KCNIP4: variants seen among roughly 807,000 people sequenced by gnomAD.
KCNIP4 encodes the protein potassium voltage-gated channel interacting protein 4, also known as Kv channel-interacting protein 4.
A neutral mutation model predicts 34.0 loss-of-function variants in KCNIP4; 12 were observed. The observed-to-expected ratio is 0.35, with a 90% CI of 0.23 to 0.57. KCNIP4 has a LOEUF of 0.57. Among genes scored for constraint, KCNIP4 ranks in the 20% least tolerant of loss-of-function variants. The pLI is 0.83. For missense variants in KCNIP4, 238 were observed against 311.7 expected (o/e 0.76, Z 1.78); for synonymous variants, 124 against 102.2 (o/e 1.21, Z -1.29).
At chr4:21,534,669 A>T (rs923443000) in intron 1 of KCNIP4, among the ~76,000 whole-genome samples, 1 of 152,056 alleles carries the variant, frequency 6.6e-6, no homozygotes, top group Non-Finnish European at 1.5e-5. Flanking sequence ...GTGCTTCATG[A>T]AGTACTGTGT....
At chr4:21,667,757 G>A (rs1749109460) in intron 1 of KCNIP4, among the ~76,000 whole-genome samples, 1 of 152,122 alleles carries the variant, frequency 6.6e-6, no homozygotes. Context: ...CTTATTTTTG[G>A]GAGAATTAAG....
rs555522003 is a variant in KCNIP4, at chr4:20,741,216, C to T, written c.430-6481G>A. On this transcript the variant is annotated intron_variant, in intron 5 of 8. Coordinates refer to ENST00000382152, the MANE Select transcript of KCNIP4 (RefSeq NM_025221.6). ...GACTTGAACTCAGCTCTGCAGCAAG[C>T]GGACCTAATAGACATCTACAGAACT... Among the ~76,000 whole-genome samples the T allele has an allele frequency of 6.7e-4, 102 of 152,198 alleles. 1 individual carries two copies. The highest frequency in any genetic ancestry group is 1.9e-3 in the African/African-American group (77 of 41,528).
At chr4:21,208,603 T>C (rs1028975179) in intron 1 of KCNIP4, among the ~76,000 whole-genome samples, 3 of 152,182 alleles carry the variant, frequency 2.0e-5, no homozygotes, top group Admixed American at 1.3e-4. Context: ...TGACGGTCTT[T>C]TTTTCCCCTT....
intron 1 of KCNIP4, among the ~76,000 whole-genome samples, chr4:21,090,442 C>T (rs982274648): frequency 1.2e-4 from 18 of 152,150 alleles, no homozygotes; most frequent in African/African-American, 4.3e-4. Flanking sequence ...CATATACCCC[C>T]AAAACTTAGG....
intron 3 of KCNIP4, among the ~76,000 whole-genome samples, chr4:20,810,364 A>G (rs1389840147): frequency 6.6e-6 from 1 of 151,686 alleles, no homozygotes; most frequent in Non-Finnish European, 1.5e-5. Flanking sequence ...CAGAGACAAT[A>G]TCAAAGGCAA....
chr4:21,249,467 C>T (rs1760530556), intron 1 of KCNIP4, among the ~76,000 whole-genome samples: 1 of 152,014 alleles, frequency 6.6e-6, no homozygotes. Context: ...AAATACTTGT[C>T]CCATACCCTG....
chr4:21,728,060 C>G (rs941187166), intron 1 of KCNIP4, among the ~76,000 whole-genome samples: 1 of 149,942 alleles, frequency 6.7e-6, no homozygotes, highest in African/African-American at 2.5e-5. Flanking sequence ...TCTTTCAAAT[C>G]TCAGCCTCTT....
chr4:20,853,983 T>G (rs1269467830), intron 2 of KCNIP4, among the ~76,000 whole-genome samples: 1 of 151,846 alleles, frequency 6.6e-6, no homozygotes, highest in Non-Finnish European at 1.5e-5. Flanking sequence ...AATCAAAAAA[T>G]CAAAAAACAG....
intron 1 of KCNIP4, among the ~76,000 whole-genome samples, chr4:21,439,024 T>C (rs769346689): frequency 2.0e-5 from 3 of 152,036 alleles, no homozygotes; most frequent in South Asian, 4.2e-4. Flanking sequence ...TAACCGGGCG[T>C]GGCGGCGGGC....
intron 3 of KCNIP4, among the ~76,000 whole-genome samples, chr4:20,841,137 A>C (rs1474070860): frequency 6.6e-6 from 1 of 152,230 alleles, no homozygotes; most frequent in African/African-American, 2.4e-5. Flanking sequence ...TCAAAAAAGC[A>C]AATTAACAGC....
chr4:20,947,417 C>T (rs1434952), intron 1 of KCNIP4, among the ~76,000 whole-genome samples: 92,874 of 151,656 alleles, frequency 0.61, 28,824 homozygotes, highest in East Asian at 0.82. Flanking sequence ...GGTCCACCTG[C>T]CTCGGCCTCC....
intron 1 of KCNIP4, among the ~76,000 whole-genome samples, chr4:20,944,465 G>A (rs572301222): frequency 4.6e-5 from 7 of 152,274 alleles, no homozygotes; most frequent in African/African-American, 1.7e-4. Flanking sequence ...TCCTAACAAG[G>A]CATAATGGAA....
intron 1 of KCNIP4, among the ~76,000 whole-genome samples, chr4:21,731,491 T>C (rs548823846): frequency 1.3e-5 from 2 of 152,296 alleles, no homozygotes; most frequent in Non-Finnish European, 2.9e-5. Context: ...TTAGTTGGAC[T>C]AGAAAGTTCT....
chr4:20,877,254 C>T (rs751261445), intron 2 of KCNIP4, among the ~76,000 whole-genome samples: 11 of 152,164 alleles, frequency 7.2e-5, no homozygotes, highest in Non-Finnish European at 8.8e-5. Flanking sequence ...TGGCTTTTTC[C>T]ACCTTCTAGT....
intron 1 of KCNIP4, among the ~76,000 whole-genome samples, chr4:21,803,683 T>G (rs1721132376): frequency 6.6e-6 from 1 of 152,142 alleles, no homozygotes. Flanking sequence ...TTTCCCCTTG[T>G]CTGTCCTTCT....
In KCNIP4 at chr4:21,880,901, C is replaced by G. The variant is rs190230821; in HGVS notation, c.61+67670G>C. Among the ~76,000 whole-genome samples the G allele has an allele frequency of 2.3e-3, 352 of 152,242 alleles. 2 individuals are homozygous for G. The highest frequency in any genetic ancestry group is 4.4e-3 in the Admixed American group (67 of 15,294). On this transcript the variant is annotated intron_variant, in intron 1 of 8. Transcript: ENST00000382152. Reference sequence around the variant, plus strand: ...CCTCTTACTTCTTATGTGGATTTGTCAAGGGCAAAACTAAACCAGAAGTTG... The same window carrying G: ...CCTCTTACTTCTTATGTGGATTTGTGAAGGGCAAAACTAAACCAGAAGTTG...
At chr4:21,165,449 C>A (rs865994166) in intron 1 of KCNIP4, among the ~76,000 whole-genome samples, 51 of 610 alleles carry the variant, frequency 0.084, no homozygotes, top group Non-Finnish European at 0.094. Flanking sequence ...TTGAAAGCAT[C>A]AAAAAAAAAA....
chr4:21,493,286 C>T lies in KCNIP4; in HGVS notation c.61+455285G>A, dbSNP rs148168136. 8.1e-3 allele frequency among the ~76,000 whole-genome samples: 1,231 copies of T among 152,174 alleles called. 14 individuals carry two copies. The highest frequency in any genetic ancestry group is 0.029 in the African/African-American group (1,184 of 41,538). The stretch of plus-strand genomic sequence containing the variant: ...GCTTCTTTGCCTGGTAGATAGCCCT[C>T]TTAGCTGAAGTGCCATTAGGTGTGT... On this transcript the variant is annotated intron_variant, in intron 1 of 8. Coordinates refer to ENST00000382152, the MANE Select transcript of KCNIP4 (RefSeq NM_025221.6).
At position 21,247,735 on chromosome 4, in the gene KCNIP4, GATAT is replaced by G. The variant is rs58465908; in HGVS notation, c.62-365030_62-365027del. Among the ~76,000 whole-genome samples, 96 of 61,342 alleles carry G rather than the reference GATAT, an allele frequency of 1.6e-3. 4 individuals carry two copies. The South Asian group carries it at 0.041, about 26-fold the overall frequency. The allele number at this position is 61,342 out of a possible 152,430, so 40.2% of individuals were successfully genotyped here. On this transcript the variant is annotated intron_variant, in intron 1 of 8. Coordinates refer to ENST00000382152, the MANE Select transcript of KCNIP4 (RefSeq NM_025221.6). Reference sequence around the variant, plus strand: ...GCAAAGCAAAAGCAATCCACAGGTGGATATATATATATATATATATATATACACC... The same window carrying G: ...GCAAAGCAAAAGCAATCCACAGGTGGATATATATATATATATATATACACC...
Sources: gnomAD v4.1 joint callset for allele counts (sites outside exome capture counted in the v4.1 genomes callset) on GRCh38, gnomAD v4.1.1 for gene constraint, MANE v1.5 for transcripts, NCBI Gene and HGNC (gene_info 2026-07-23, HGNC 2026-07-21) for gene names.